The following TSPAN9 variants were observed in gnomAD, a reference collection of about 807,000 sequenced individuals.
The protein encoded by TSPAN9 is tetraspanin-9.
Under a neutral mutation model 31.0 loss-of-function variants are expected in TSPAN9, and 16 were observed. The ratio of observed to expected loss-of-function variants is 0.52; its 90% confidence interval spans 0.35 to 0.78. The LOEUF is 0.78. Ranked by LOEUF, TSPAN9 falls within the 30% of genes least tolerant of loss-of-function variation. TSPAN9 has a pLI of 0.01. For synonymous variants in TSPAN9, 145 were observed against 121.6 expected, an observed-to-expected ratio of 1.19 and a Z score of -1.27; for missense variants, 272 against 312.5, an observed-to-expected ratio of 0.87 and a Z score of 0.98.
At chr12:3,139,252 G>A (rs1476378412) in intron 2 of TSPAN9, among the ~76,000 whole-genome samples, 2 of 152,230 alleles carry the variant, frequency 1.3e-5, no homozygotes, top group African/African-American at 4.8e-5. Flanking sequence ...TCCTTGGCAG[G>A]GTTGTTCTCG....
chr12:3,242,698 A>T (rs975977434), intron 3 of TSPAN9, among the ~76,000 whole-genome samples: 2 of 152,206 alleles, frequency 1.3e-5, no homozygotes, highest in Admixed American at 6.5e-5. Context: ...CCTCAGCTGG[A>T]GGGGCAGCTG....
At chr12:3,220,249 G>A (rs1166463411) in intron 3 of TSPAN9, among the ~76,000 whole-genome samples, 10 of 152,226 alleles carry the variant, frequency 6.6e-5, no homozygotes, top group South Asian at 2.1e-4. Flanking sequence ...GTGCTGTGCC[G>A]TGGCCCAGGC....
intron 3 of TSPAN9, among the ~76,000 whole-genome samples, chr12:3,243,308 G>T (rs528837768): frequency 6.6e-6 from 1 of 152,250 alleles, no homozygotes; most frequent in African/African-American, 2.4e-5. Context: ...CATGGGCCGG[G>T]CACGGAGCTG....
intron 2 of TSPAN9, among the ~76,000 whole-genome samples, chr12:3,198,207 G>C (rs1287531626): frequency 8.1e-4 from 40 of 49,458 alleles, no homozygotes; most frequent in East Asian, 3.2e-3. Flanking sequence ...ACCAGCACAG[G>C]TCACCACCAG....
At chr12:3,086,611 C>G (rs2098300651) in intron 2 of TSPAN9, among the ~76,000 whole-genome samples, 1 of 152,158 alleles carries the variant, frequency 6.6e-6, no homozygotes. Context: ...CCCCTGAAAT[C>G]CTCCCACCTG....
intron 2 of TSPAN9, among the ~76,000 whole-genome samples, chr12:3,194,601 C>A (rs948281344): frequency 3.3e-5 from 5 of 152,100 alleles, no homozygotes; most frequent in African/African-American, 1.2e-4. Context: ...TCCCTAGGTT[C>A]ATCTCGAATT....
intron 2 of TSPAN9, among the ~76,000 whole-genome samples, chr12:3,113,397 G>A (rs760774169): frequency 4.6e-5 from 7 of 152,142 alleles, no homozygotes; most frequent in African/African-American, 1.2e-4. Context: ...AGTGGGACCC[G>A]GCTCTGATCA....
At chr12:3,206,211 T>C (rs1005329333) in intron 3 of TSPAN9, 9 of 425,604 alleles carry the variant, frequency 2.1e-5, no homozygotes, top group Non-Finnish European at 3.4e-5. Flanking sequence ...CTTATCAGGG[T>C]GCTGGGGTCC....
chr12:3,091,321 A>G (rs914357204), intron 2 of TSPAN9, among the ~76,000 whole-genome samples: 8 of 152,190 alleles, frequency 5.3e-5, no homozygotes. Flanking sequence ...GCAACTCACA[A>G]TGGACTCGAC....
In TSPAN9 at chr12:3,284,321, A is replaced by T. The variant is rs1216466903; in HGVS notation, c.*1205A>T. 6.6e-6 allele frequency: 1 copy of T among 152,356 alleles called. No individual in the cohort carries two copies. The highest frequency in any genetic ancestry group is 1.9e-4 in the East Asian group (1 of 5,160). 9.4% of individuals were successfully genotyped at this position (152,356 alleles called of 1,614,324 possible). A position where few individuals can be genotyped will look rare whatever the true frequency, so the allele number is the denominator to read the frequency against. On this transcript the variant is annotated 3_prime_UTR_variant, in exon 9 of 9. Transcript: ENST00000011898. ...GCTGGGACAGTGGCAGGGGACCCAC[A>T]GGGGTGAGGACCCACGGTCCTCCCC... is the stretch of plus-strand genomic sequence containing the variant.
rs550108800 is a variant in TSPAN9, at chr12:3,079,364, C to T, written c.-85+1911C>T. ...GTATCTTATCTAAGGTCACAACACT[C>T]ATTAAGTGAAAGAAGCAAAACTTGA... On this transcript the variant is annotated intron_variant, in intron 1 of 8. Transcript: ENST00000011898. Among the ~76,000 whole-genome samples, 3 of 152,342 alleles carry T rather than the reference C, an allele frequency of 2.0e-5. No individual in the cohort carries two copies. In the East Asian group the frequency reaches 5.8e-4, roughly 29 times the overall value.
In TSPAN9 at chr12:3,112,246, C is replaced by T. The variant is rs919734950; in HGVS notation, c.-18+28527C>T. Reference sequence around the variant, plus strand: ...AGGATGGAGTACAATGGCACGATCTCGGCTCACTGCAACCTTGCCTCCTGG... The same window carrying T: ...AGGATGGAGTACAATGGCACGATCTTGGCTCACTGCAACCTTGCCTCCTGG... On this transcript the variant is annotated intron_variant, in intron 2 of 8. Coordinates refer to ENST00000011898, the MANE Select transcript of TSPAN9 (RefSeq NM_006675.5). 3.4e-5 allele frequency among the ~76,000 whole-genome samples: 5 copies of T among 148,784 alleles called. No homozygotes were observed. The East Asian group carries it at 5.9e-4, about 18-fold the overall frequency.
Position 3,110,828 on chromosome 12 carries a change from G to A in TSPAN9, c.-18+27109G>A, listed in dbSNP as rs570167970. On this transcript the variant is annotated intron_variant, in intron 2 of 8. Coordinates refer to ENST00000011898, the MANE Select transcript of TSPAN9 (RefSeq NM_006675.5). ...AGCATTGTTTCTGGCTAGCGGTGGG[G>A]ACACTGTTGACTTTTTCTTCATCCT... 2.2e-4 allele frequency among the ~76,000 whole-genome samples: 33 copies of A among 152,320 alleles called. 2 individuals are homozygous for A. The highest frequency in any genetic ancestry group is 7.2e-4 in the African/African-American group (30 of 41,568).
intron 2 of TSPAN9, among the ~76,000 whole-genome samples, chr12:3,138,420 G>T (rs957682211): frequency 2.6e-5 from 4 of 152,092 alleles, no homozygotes; most frequent in Admixed American, 2.6e-4. Flanking sequence ...CCAGTGCCCA[G>T]CTCTGCCCAG....
At chr12:3,114,275 T>C (rs2098320881) in intron 2 of TSPAN9, among the ~76,000 whole-genome samples, 1 of 152,226 alleles carries the variant, frequency 6.6e-6, no homozygotes, top group Admixed American at 6.5e-5. Flanking sequence ...AAATTTCATG[T>C]CATTTCCACA....
intron 3 of TSPAN9, among the ~76,000 whole-genome samples, chr12:3,241,515 G>C (rs969558385): frequency 7.2e-5 from 11 of 152,228 alleles, no homozygotes; most frequent in Non-Finnish European, 2.9e-5. Flanking sequence ...AAACATATAT[G>C]TCTACAAATA....
chr12:3,089,152 A>G (rs2153962774), intron 2 of TSPAN9, among the ~76,000 whole-genome samples: 1 of 150,978 alleles, frequency 6.6e-6, no homozygotes, highest in East Asian at 2.0e-4. Flanking sequence ...GAATGGCATG[A>G]ACCTGGGAGG....
chr12:3,142,694 G>A (rs2098335437), intron 2 of TSPAN9, among the ~76,000 whole-genome samples: 1 of 152,176 alleles, frequency 6.6e-6, no homozygotes, highest in Non-Finnish European at 1.5e-5. Context: ...CCGGGTGCCT[G>A]CGGTGCGTAT....
intron 3 of TSPAN9, among the ~76,000 whole-genome samples, chr12:3,239,498 A>G (rs933941013): frequency 6.6e-6 from 1 of 152,208 alleles, no homozygotes; most frequent in Non-Finnish European, 1.5e-5. Flanking sequence ...TCCATGGGCG[A>G]GCAGTGTCTG....
Sources: gnomAD v4.1 joint callset for allele counts (sites outside exome capture counted in the v4.1 genomes callset) on GRCh38, gnomAD v4.1.1 for gene constraint, MANE v1.5 for transcripts, NCBI Gene and HGNC (gene_info 2026-07-23, HGNC 2026-07-21) for gene names.